Variants in STARD9 observed in about 807,000 individuals in gnomAD.
STARD9 encodes StAR related lipid transfer domain containing 9.
STARD9 carries 346 observed loss-of-function variants against 399.8 expected under a neutral mutation model. The ratio of observed to expected loss-of-function variants is 0.87; its 90% CI spans 0.79 to 0.95. The LOEUF is 0.95. Ranked by LOEUF, STARD9 falls within the 40% of genes least tolerant of loss-of-function variation. STARD9 has a pLI of 0.00. For missense variants in STARD9, 5,832 were observed against 5,667.5 expected (o/e 1.03, Z -0.93); for synonymous variants, 2,203 against 2,143.5 (o/e 1.03, Z -0.77).
At chr15:42,713,493 C>T (rs921825298) in intron 26 of STARD9, among the ~76,000 whole-genome samples, 2 of 152,128 alleles carry the variant, frequency 1.3e-5, no homozygotes, top group African/African-American at 2.4e-5. Context: ...GGAAGGTATC[C>T]ATCTTTCACC....
At chr15:42,624,779 C>T (rs1050089605) in intron 3 of STARD9, among the ~76,000 whole-genome samples, 1 of 151,994 alleles carries the variant, frequency 6.6e-6, no homozygotes, top group African/African-American at 2.4e-5. Context: ...GAACTCCTGA[C>T]CTCAGGTGAT....
intron 3 of STARD9, among the ~76,000 whole-genome samples, chr15:42,626,336 T>TTCTTCCTCTTCC (rs541382405): frequency 6.7e-6 from 1 of 148,452 alleles, no homozygotes; most frequent in South Asian, 2.2e-4. Context: ...CCTCTTCCTC[T>TTCTTCCTCTTCC]TCTTCCTCTT....
rs1349454842 is a variant in STARD9, at chr15:42,693,992, G to A, written c.12414G>A (p.Val4138=). The A allele has an allele frequency of 2.6e-6, 4 of 1,515,452 alleles. No homozygotes were observed. The South Asian group carries it at 3.7e-5, about 14-fold the overall frequency. The allele number at this position is 1,515,452 out of a possible 1,614,324, so 93.9% of individuals were successfully genotyped here. ...ACCACAGTCTGAGGGACCTCCCGGT[G>A]CATAACAAATTTAGTAACTGGTGTG... is the stretch of plus-strand genomic sequence containing the variant. ...HQHHSLRDLP[V]HNKFSNWCGV... Residue 4138 remains valine (V), a synonymous_variant, in exon 23 of 33, where the codon GTG becomes GTA. Transcript: ENST00000290607.
At chr15:42,663,576 A>G (rs2060031168) in intron 12 of STARD9, 86 bp downstream of exon 12, 1 of 649,026 alleles carries the variant, frequency 1.5e-6, no homozygotes, top group South Asian at 1.9e-5. Flanking sequence ...GTGGGATGCC[A>G]GAGCTGGATC....
intron 26 of STARD9, 39 bp from the exon 27 acceptor site, chr15:42,716,638 T>C: frequency 4.6e-6 from 6 of 1,306,524 alleles, no homozygotes; most frequent in Non-Finnish European, 6.4e-6. Flanking sequence ...ATTCTGTGCT[T>C]GCCTTCTGGC....
At position 42,693,691 on chromosome 15, in the gene STARD9, C is replaced by G; in HGVS notation, c.12113C>G (p.Ser4038Cys). 1 of 1,537,128 alleles carries G rather than the reference C, an allele frequency of 6.5e-7. No homozygotes were observed. Among genetic ancestry groups the G allele is most frequent in the Non-Finnish European group, 8.7e-7 (1 of 1,146,912 alleles). Residue 4038 changes from serine to cysteine, a missense_variant, in exon 23 of 33, where the codon TCC becomes TGC. By Grantham distance (112) the Ser-to-Cys change is moderately radical (BLOSUM62 -1). Around this residue, in one of 2 missense-constraint regions of STARD9, gnomAD observed 5,828 missense variants for 5,651.1 expected, o/e 1.03. Transcript: ENST00000290607. ...GNSFVPEKVASPEHCPLSGRE... is the reference protein window; with the variant it reads ...GNSFVPEKVACPEHCPLSGRE... ...AGCTTTGTGCCTGAGAAGGTGGCTT[C>G]CCCGGAGCATTGCCCACTGAGCGGT...
intron 18 of STARD9, chr15:42,675,400 A>G (rs1034544363): frequency 7.9e-6 from 4 of 506,804 alleles, no homozygotes; most frequent in Non-Finnish European, 1.1e-5. Flanking sequence ...CTGAGCTGAG[A>G]TTCCTCCTCT....
At chr15:42,616,290 C>T (rs373766176) in intron 3 of STARD9, among the ~76,000 whole-genome samples, 18 of 152,208 alleles carry the variant, frequency 1.2e-4, no homozygotes, top group East Asian at 7.7e-4. Flanking sequence ...GGAGTGGGAT[C>T]AGATTTTATT....
intron 3 of STARD9, among the ~76,000 whole-genome samples, chr15:42,588,048 T>G (rs1196157360): frequency 2.6e-5 from 4 of 152,232 alleles, no homozygotes; most frequent in African/African-American, 9.6e-5. Context: ...GACAGTGGCC[T>G]TTCTGTTAGC....
chr15:42,587,784 C>T (rs936393833), intron 3 of STARD9, among the ~76,000 whole-genome samples: 1 of 152,042 alleles, frequency 6.6e-6, no homozygotes. Flanking sequence ...AGGCTGATCT[C>T]GAACTCCCGA....
chr15:42,698,795 G>C (rs981410934), intron 26 of STARD9, among the ~76,000 whole-genome samples: 1 of 151,674 alleles, frequency 6.6e-6, no homozygotes, highest in Non-Finnish European at 1.5e-5. Flanking sequence ...GTTCCTTTTG[G>C]AGTCATTTTC....
In STARD9 at chr15:42,693,850, C is replaced by G; in HGVS notation, c.12272C>G (p.Ser4091Cys). Residue 4091 changes from serine to cysteine, a missense_variant, in exon 23 of 33, where the codon TCT becomes TGT. By Grantham distance (112) the Ser-to-Cys change is moderately radical. Transcript: ENST00000290607. Reference protein sequence around the residue: ...GLQHLSPCPVSELTDTAGLRG... With the variant: ...GLQHLSPCPVCELTDTAGLRG... The stretch of plus-strand genomic sequence containing the variant: ...CAGCACCTCAGCCCCTGCCCTGTCT[C>G]TGAGTTGACTGATACTGCAGGGCTC... 1 of 1,536,798 alleles carries G rather than the reference C, an allele frequency of 6.5e-7. No homozygotes were observed. The highest frequency in any genetic ancestry group is 8.7e-7 in the Non-Finnish European group (1 of 1,146,742).
chr15:42,576,981 T>C (rs1271463363), intron 1 of STARD9, among the ~76,000 whole-genome samples: 2 of 152,092 alleles, frequency 1.3e-5, no homozygotes, highest in Non-Finnish European at 2.9e-5. Flanking sequence ...CATAACTGGA[T>C]GTGGTAGCTC....
chr15:42,716,574 A>G, intron 26 of STARD9, 103 bp from the exon 27 acceptor site: 1 of 726,338 alleles, frequency 1.4e-6, no homozygotes, highest in South Asian at 1.6e-5. Context: ...AGACCTTTGC[A>G]GTTGAGTCAT....
At chr15:42,584,591 C>G (rs1030039053) in intron 2 of STARD9, among the ~76,000 whole-genome samples, 2 of 152,136 alleles carry the variant, frequency 1.3e-5, no homozygotes, top group African/African-American at 2.4e-5. Context: ...GTTGTCTTTC[C>G]CTGTCCGGAG....
rs1341113554 is a variant in STARD9 at position 42,685,367 on chromosome 15, T to C, written c.3789T>C (p.Ala1263=). ...RLGPINYRTA[A]RLDAVLPMSS... ...GTCCCATCAACTACAGAACAGCAGCTAGGCTGGATGCCGTCCTGCCAATGA... is the reference window on the plus strand; with the variant it reads ...GTCCCATCAACTACAGAACAGCAGCCAGGCTGGATGCCGTCCTGCCAATGA... Residue 1263 remains alanine (A), a synonymous_variant, in exon 23 of 33, where the codon GCT becomes GCC. Coordinates refer to ENST00000290607, the MANE Select transcript of STARD9 (RefSeq NM_020759.3). The C allele has an allele frequency of 2.6e-6, 4 of 1,537,266 alleles. No individual in the cohort carries two copies. The highest frequency in any genetic ancestry group is 3.5e-6 in the Non-Finnish European group (4 of 1,146,926).
chr15:42,577,223 G>A (rs1395773847), intron 1 of STARD9, among the ~76,000 whole-genome samples: 1 of 151,500 alleles, frequency 6.6e-6, no homozygotes, highest in Non-Finnish European at 1.5e-5. Flanking sequence ...GCGCGATCTC[G>A]GCTCACTGCA....
intron 20 of STARD9, among the ~76,000 whole-genome samples, chr15:42,676,730 T>TA (rs2060318907): frequency 6.6e-6 from 1 of 152,138 alleles, no homozygotes; most frequent in Non-Finnish European, 1.5e-5. Context: ...ACCTCTGCCT[T>TA]AGAGATTTCC....
chr15:42,673,473 A>AG (rs771305977), intron 16 of STARD9, among the ~76,000 whole-genome samples: 7 of 152,182 alleles, frequency 4.6e-5, no homozygotes, highest in Non-Finnish European at 1.0e-4. Context: ...AAAAAGCTGC[A>AG]GGGGCTTAGG....
Sources: allele counts gnomAD v4.1 joint callset (sites outside exome capture counted in the v4.1 genomes callset), GRCh38; gene constraint gnomAD v4.1.1; regional missense constraint gnomAD v4.1.1; transcripts MANE v1.5; gene names NCBI Gene and HGNC (gene_info 2026-07-23, HGNC 2026-07-21).